Variants in PRKD1 observed in about 807,000 individuals in gnomAD.
PRKD1 encodes serine/threonine-protein kinase D1.
A neutral mutation model predicts 95.9 loss-of-function variants in PRKD1; 63 were observed. That is an observed-to-expected ratio of 0.66 (90% confidence interval 0.54 to 0.81). The LOEUF (loss-of-function observed/expected upper bound fraction) is 0.81, where lower values mean the gene tolerates loss of function less well. PRKD1 is among the 30% of genes least tolerant of loss of function. The pLI is 0.00. For missense variants in PRKD1, 1,048 were observed against 1,165.3 expected (o/e 0.90, Z 1.47); for synonymous variants, 425 against 423.1 (o/e 1.00, Z -0.05).
chr14:29,715,185 A>G (rs1040628893), intron 2 of PRKD1, among the ~76,000 whole-genome samples: 3 of 152,114 alleles, frequency 2.0e-5, no homozygotes, highest in African/African-American at 7.2e-5. Flanking sequence ...ACATCATTCA[A>G]TATGTCACAT....
At position 29,872,748 on chromosome 14, in the gene PRKD1, T is replaced by C. The variant is rs1435592357; in HGVS notation, c.264+54501A>G. ...GAATATTTCTACCTGGTGGTTGCTG[T>C]GGAACAAATCAATCTACAAAAGGAG... On this transcript the variant is annotated intron_variant, in intron 1 of 17. Coordinates refer to ENST00000331968, the MANE Select transcript of PRKD1 (RefSeq NM_002742.3). Among the ~76,000 whole-genome samples, 5 of 151,982 alleles carry C rather than the reference T, an allele frequency of 3.3e-5. No individual in the cohort carries two copies. The East Asian group carries it at 7.7e-4, about 23-fold the overall frequency.
intron 1 of PRKD1, among the ~76,000 whole-genome samples, chr14:29,761,780 CTTTTT>C (rs751775466): frequency 3.0e-5 from 4 of 135,172 alleles, no homozygotes; most frequent in Admixed American, 7.6e-5. Context: ...GATGTTCTTT[CTTTTT>C]TTTTTTTTTT....
At chr14:29,754,829 G>C (rs1887625311) in intron 1 of PRKD1, among the ~76,000 whole-genome samples, 1 of 151,960 alleles carries the variant, frequency 6.6e-6, no homozygotes, top group Non-Finnish European at 1.5e-5. Context: ...TAAAATTTTT[G>C]AAGTTTAGTA....
chr14:29,590,142 T>C (rs567323149), intron 16 of PRKD1, among the ~76,000 whole-genome samples: 8 of 152,330 alleles, frequency 5.3e-5, no homozygotes, highest in African/African-American at 1.9e-4. Context: ...CTGGTCCATA[T>C]GTTTAGAAAT....
chr14:29,813,833 C>T (rs1263575464), intron 1 of PRKD1, among the ~76,000 whole-genome samples: 1 of 152,164 alleles, frequency 6.6e-6, no homozygotes, highest in Admixed American at 6.5e-5. Context: ...TAGCCAAGAT[C>T]AACCCACCTT....
At chr14:29,602,336 G>A (rs1566478917) in intron 13 of PRKD1, among the ~76,000 whole-genome samples, 2 of 152,068 alleles carry the variant, frequency 1.3e-5, no homozygotes, top group Non-Finnish European at 2.9e-5. Context: ...CTGAAAGTTG[G>A]AGAAGAGGGG....
chr14:29,673,208 T>A (rs1226651921), intron 2 of PRKD1, among the ~76,000 whole-genome samples: 2 of 152,188 alleles, frequency 1.3e-5, no homozygotes, highest in Admixed American at 1.3e-4. Context: ...AAAAGCTTTA[T>A]AAAAAATAAA....
intron 1 of PRKD1, among the ~76,000 whole-genome samples, chr14:29,881,299 G>A (rs1292607685): frequency 6.6e-6 from 1 of 152,136 alleles, no homozygotes; most frequent in African/African-American, 2.4e-5. Flanking sequence ...TTTATCAGGG[G>A]CTTCCACTTT....
intron 1 of PRKD1, among the ~76,000 whole-genome samples, chr14:29,838,841 G>T (rs1891715701): frequency 6.6e-6 from 1 of 152,042 alleles, no homozygotes; most frequent in Non-Finnish European, 1.5e-5. Context: ...GCACTAAGAG[G>T]ACTAAGTAAT....
intron 1 of PRKD1, among the ~76,000 whole-genome samples, chr14:29,737,914 A>C (rs532244433): frequency 6.6e-6 from 1 of 152,190 alleles, no homozygotes; most frequent in Non-Finnish European, 1.5e-5. Flanking sequence ...ACACCAGACT[A>C]TAGAGATTTA....
chr14:29,739,611 G>T (rs1405354195), intron 1 of PRKD1, among the ~76,000 whole-genome samples: 6 of 152,180 alleles, frequency 3.9e-5, no homozygotes, highest in Non-Finnish European at 8.8e-5. Context: ...TTTTGGCTAT[G>T]AGATTCTAAA....
At chr14:29,652,419 A>G (rs1451408809) in intron 4 of PRKD1, among the ~76,000 whole-genome samples, 2 of 152,216 alleles carry the variant, frequency 1.3e-5, no homozygotes, top group Non-Finnish European at 2.9e-5. Context: ...TTTTGTTCAG[A>G]GCATGAATTA....
At chr14:29,631,887 C>T (rs148449448) in intron 9 of PRKD1, among the ~76,000 whole-genome samples, 1,870 of 151,802 alleles carry the variant, frequency 0.012, 20 homozygotes, top group Non-Finnish European at 0.018. Flanking sequence ...CTGCAAACTC[C>T]GCCTCCTAGA....
intron 2 of PRKD1, among the ~76,000 whole-genome samples, chr14:29,683,899 A>C (rs1256650094): frequency 6.6e-6 from 1 of 152,246 alleles, no homozygotes; most frequent in Non-Finnish European, 1.5e-5. Context: ...AGTCTGTCCT[A>C]GGACATAGTG....
At chr14:29,708,598 G>A (rs570072894) in intron 2 of PRKD1, among the ~76,000 whole-genome samples, 5 of 152,232 alleles carry the variant, frequency 3.3e-5, no homozygotes, top group Non-Finnish European at 7.4e-5. Context: ...ACTGGCTCAC[G>A]CCTGTAATCC....
At chr14:29,758,130 C>T (rs1416396995) in intron 1 of PRKD1, among the ~76,000 whole-genome samples, 1 of 148,906 alleles carries the variant, frequency 6.7e-6, no homozygotes, top group East Asian at 2.0e-4. Context: ...AGTTTCCTAA[C>T]GGAGTAAATA....
chr14:29,618,463 C>G (rs1879019861), intron 13 of PRKD1, among the ~76,000 whole-genome samples: 1 of 152,066 alleles, frequency 6.6e-6, no homozygotes, highest in Admixed American at 6.5e-5. Flanking sequence ...ACCGTGTTGG[C>G]CAGGCTGTTC....
chr14:29,780,830 A>T (rs1954237688), intron 1 of PRKD1, among the ~76,000 whole-genome samples: 1 of 152,198 alleles, frequency 6.6e-6, no homozygotes, highest in South Asian at 2.1e-4. Flanking sequence ...CTATAAAGAC[A>T]CATGCACACG....
chr14:29,832,603 C>T (rs1415989249), intron 1 of PRKD1, among the ~76,000 whole-genome samples: 1 of 151,974 alleles, frequency 6.6e-6, no homozygotes, highest in Non-Finnish European at 1.5e-5. Context: ...ATCCAAAATG[C>T]TTATAAATGG....
Sources: allele counts gnomAD v4.1 joint callset (sites outside exome capture counted in the v4.1 genomes callset), GRCh38; gene constraint gnomAD v4.1.1; transcripts MANE v1.5; gene names NCBI Gene and HGNC (gene_info 2026-07-23, HGNC 2026-07-21).